The following FBXO48 variants were observed in gnomAD, a reference collection of about 807,000 sequenced individuals.
FBXO48 encodes the protein F-box only protein 48.
Under a neutral mutation model 14.3 loss-of-function variants are expected in FBXO48, and 12 were observed. The ratio of observed to expected loss-of-function variants is 0.84; its 90% CI spans 0.54 to 1.36. The LOEUF is 1.36. Ranked by LOEUF, FBXO48 falls within the 40% of genes most tolerant of loss-of-function variation. The pLI, the probability that FBXO48 is intolerant of heterozygous loss-of-function variation, is 0.00. For missense variants in FBXO48, 177 were observed against 179.1 expected (o/e 0.99, Z 0.07); for synonymous variants, 53 against 61.7 (o/e 0.86, Z 0.66).
Position 68,464,231 on chromosome 2 carries a change from A to C in FBXO48, c.446T>G (p.Leu149Arg). ...PMDADTWGEI[L>R]EAELER ...CCCTTATCTTTCCAGTTCTGCTTCT[A>C]GAATTTCCCCCCATGTATCTGCATC... Residue 149 changes from leucine (L) to arginine (R), a missense_variant, in exon 4 of 4, where the codon CTA (leucine) becomes CGA (arginine). Leu to Arg is a moderately radical substitution (Grantham distance 102, BLOSUM62 -2). Coordinates refer to ENST00000377957, the MANE Select transcript of FBXO48 (RefSeq NM_001024680.3). 1 of 1,613,860 alleles carries C rather than the reference A, an allele frequency of 6.2e-7. No individual in the cohort carries two copies. The highest frequency in any genetic ancestry group is 8.5e-7 in the Non-Finnish European group (1 of 1,179,932).
At position 68,462,092 on chromosome 2, in the gene FBXO48, A is replaced by C. The variant is rs983990655; in HGVS notation, c.*2117T>G. On this transcript the variant is annotated 3_prime_UTR_variant, in exon 4 of 4. Coordinates refer to ENST00000377957, the MANE Select transcript of FBXO48 (RefSeq NM_001024680.3). ...CTGCCCCCCACCCCGGCCAAAAAAAACCACACACTTGGTTGGAAGTGAGAA... is the reference window on the plus strand; with the variant it reads ...CTGCCCCCCACCCCGGCCAAAAAAACCCACACACTTGGTTGGAAGTGAGAA... 2 of 152,252 alleles carry C rather than the reference A, an allele frequency of 1.3e-5. No homozygotes were observed. The highest frequency in any genetic ancestry group is 2.9e-5 in the Non-Finnish European group (2 of 68,188). The allele number at this position is 152,252 out of a possible 1,614,324, so 9.4% of individuals were successfully genotyped here. A position where few individuals can be genotyped will look rare whatever the true frequency, so the allele number is the denominator to read the frequency against.
Position 68,466,361 on chromosome 2 carries a change from A to C in FBXO48, c.-251T>G, listed in dbSNP as rs1393875226. On this transcript the variant is annotated 5_prime_UTR_variant, in exon 2 of 4. Transcript: ENST00000377957. ...AGCTGAACACAAATCTCTTTTCTAGACGAGCTACTCAGCTATGTTTTCGGA... is the reference window on the plus strand; with the variant it reads ...AGCTGAACACAAATCTCTTTTCTAGCCGAGCTACTCAGCTATGTTTTCGGA... The C allele has an allele frequency of 6.6e-6, 1 of 152,200 alleles. No homozygotes were observed. The highest frequency in any genetic ancestry group is 1.5e-5 in the Non-Finnish European group (1 of 68,058). 9.4% of individuals were successfully genotyped at this position (152,200 alleles called of 1,614,324 possible).
rs1553365826 is a variant in FBXO48 at position 68,461,289 on chromosome 2, T to TTTTTTTC, written c.*2919_*2920insGAAAAAA. ...TACTTAAGATCCGTTTTCGTTTTCT[T>TTTTTTTC]TTTTTTTTTTTTTTTTTTGAGACGG... On this transcript the variant is annotated 3_prime_UTR_variant, in exon 4 of 4. Transcript: ENST00000377957. The TTTTTTTC allele has an allele frequency of 3.7e-5, 5 of 136,070 alleles. No individual in the cohort carries two copies. The highest frequency in any genetic ancestry group is 6.2e-5 in the Non-Finnish European group (4 of 64,968). The allele number at this position is 136,070 out of a possible 1,614,324, so 8.4% of individuals were successfully genotyped here. A position where few individuals can be genotyped will look rare whatever the true frequency, so the allele number is the denominator to read the frequency against.
At position 68,464,204 on chromosome 2, in the gene FBXO48, T is replaced by G; in HGVS notation, c.*5A>C. The G allele has an allele frequency of 6.2e-7, 1 of 1,611,568 alleles. No homozygotes were observed. Among genetic ancestry groups the G allele is most frequent in the Non-Finnish European group, 8.5e-7 (1 of 1,178,374 alleles). ...AAGACCTGAGATTTGTGATTTTTTT[T>G]CCCCTTATCTTTCCAGTTCTGCTTC... On this transcript the variant is annotated 3_prime_UTR_variant, in exon 4 of 4. Transcript: ENST00000377957.
Position 68,462,041 on chromosome 2 carries a change from C to CAAAACAAA in FBXO48, c.*2160_*2167dup, listed in dbSNP as rs1675276673. ...CAGAGTGAGACTTCATCTCAAAAAA[C>CAAAACAAA]AAAACAAAAAAACAAAAACAAAAAA... On this transcript the variant is annotated 3_prime_UTR_variant, in exon 4 of 4. Coordinates refer to ENST00000377957, the MANE Select transcript of FBXO48 (RefSeq NM_001024680.3). 1 of 151,572 alleles carries CAAAACAAA rather than the reference C, an allele frequency of 6.6e-6. No homozygotes were observed. Among genetic ancestry groups the CAAAACAAA allele is most frequent in the South Asian group, 2.1e-4 (1 of 4,726 alleles). The allele number at this position is 151,572 out of a possible 1,614,324, so 9.4% of individuals were successfully genotyped here.
rs1558519479 is a variant in FBXO48, at chr2:68,461,281, C to CTTTGTGTGGCAGGGAACA, written c.*2927_*2928insTGTTCCCTGCCACACAAA. ...CATTCTCTTACTTAAGATCCGTTTT[C>CTTTGTGTGGCAGGGAACA]GTTTTCTTTTTTTTTTTTTTTTTTT... On this transcript the variant is annotated 3_prime_UTR_variant, in exon 4 of 4. Transcript: ENST00000377957. 4.4e-5 allele frequency: 6 copies of CTTTGTGTGGCAGGGAACA among 137,814 alleles called. No homozygotes were observed. The highest frequency in any genetic ancestry group is 1.6e-4 in the African/African-American group (5 of 31,968). 8.5% of individuals were successfully genotyped at this position (137,814 alleles called of 1,614,324 possible).
chr2:68,464,911 G>T lies in FBXO48; in HGVS notation c.235C>A (p.His79Asn). ...CACACAGCTCTTACAGTCATGCAGT[G>T]AGGTTTCCATAAAGAGTCACTGTTT... ...IRNSDSLWKP[H>N]CMTVRAVCRR... is the part of the protein sequence containing the mutation. The change falls in exon 3 of 4, where the codon CAC becomes AAC. Residue 79 changes from histidine to asparagine, a missense_variant. By Grantham distance (68) the His-to-Asn change is moderately conservative (BLOSUM62 1). Transcript: ENST00000377957. 6.2e-7 allele frequency: 1 copy of T among 1,613,894 alleles called. No homozygotes were observed.
Position 68,465,111 on chromosome 2 carries a change from C to G in FBXO48, c.35G>C (p.Arg12Thr). 1 of 1,610,966 alleles carries G rather than the reference C, an allele frequency of 6.2e-7. No homozygotes were observed. The highest frequency in any genetic ancestry group is 1.3e-5 in the African/African-American group (1 of 74,826). The change falls in exon 3 of 4, where the codon AGA (arginine) becomes ACA (threonine). Residue 12 changes from arginine (R) to threonine (T), a missense_variant. Physicochemically the swap from Arg to Thr is moderately conservative, Grantham distance 71 (BLOSUM62 -1). Transcript: ENST00000377957. ...AGAGTTCGCTTCTGTGTGAGAAACT[C>G]TTAAATTATTGTTTCTCTTGGAGTT... ...HKNSKRNNNL[R>T]VSHTEANSVD...
In FBXO48 at chr2:68,461,287, C is replaced by CTTTTTTTTTTT. The variant is rs924636377; in HGVS notation, c.*2911_*2921dup. 2.2e-4 allele frequency: 26 copies of CTTTTTTTTTTT among 119,638 alleles called. No individual in the cohort carries two copies. Among genetic ancestry groups the CTTTTTTTTTTT allele is most frequent in the African/African-American group, 7.5e-4 (20 of 26,642 alleles). The allele number at this position is 119,638 out of a possible 1,614,324, so 7.4% of individuals were successfully genotyped here. ...CTTACTTAAGATCCGTTTTCGTTTT[C>CTTTTTTTTTTT]TTTTTTTTTTTTTTTTTTTTGAGAC... On this transcript the variant is annotated 3_prime_UTR_variant, in exon 4 of 4. Transcript: ENST00000377957.
chr2:68,463,399 A>C lies in FBXO48; in HGVS notation c.*810T>G, dbSNP rs1675316146. ...AGACAAGTGTTAAGGATTCTTTAGA[A>C]TAACAGTTTTCTTTTTAATATGGAG... On this transcript the variant is annotated 3_prime_UTR_variant, in exon 4 of 4. Transcript: ENST00000377957. The C allele has an allele frequency of 6.6e-6, 1 of 152,192 alleles. No homozygotes were observed. Among genetic ancestry groups the C allele is most frequent in the South Asian group, 2.1e-4 (1 of 4,828 alleles). 9.4% of individuals were successfully genotyped at this position (152,192 alleles called of 1,614,324 possible).
Position 68,464,271 on chromosome 2 carries a change from T to C in FBXO48, c.406A>G (p.Ile136Val). The C allele has an allele frequency of 1.2e-6, 2 of 1,613,890 alleles. No homozygotes were observed. The highest frequency in any genetic ancestry group is 1.7e-6 in the Non-Finnish European group (2 of 1,179,934). ...GTATCTGCATCCATTGGGTACATGA[T>C]TTTTTCTGGTAGGCTAATGGGAGAA... ...ICSPISLPEK[I>V]MYPMDADTWG... Residue 136 changes from isoleucine (I) to valine (V), a missense_variant, in exon 4 of 4, where the codon ATC becomes GTC. Coordinates refer to ENST00000377957, the MANE Select transcript of FBXO48 (RefSeq NM_001024680.3).
In FBXO48 at chr2:68,462,793, T is replaced by C. The variant is rs1222831974; in HGVS notation, c.*1416A>G. 1 of 152,248 alleles carries C rather than the reference T, an allele frequency of 6.6e-6. No homozygotes were observed. The highest frequency in any genetic ancestry group is 2.4e-5 in the African/African-American group (1 of 41,460). 9.4% of individuals were successfully genotyped at this position (152,248 alleles called of 1,614,324 possible). A position where few individuals can be genotyped will look rare whatever the true frequency, so the allele number is the denominator to read the frequency against. ...TCAGTCTTCAAATATCTGGCAATCA[T>C]AGACAGGAAGGACTGAATCAGCCTG... On this transcript the variant is annotated 3_prime_UTR_variant, in exon 4 of 4. Transcript: ENST00000377957.
At chr2:68,464,470 A>C (rs1410007140) in intron 3 of FBXO48, 100 bp from the exon 4 acceptor site, 11 of 1,006,646 alleles carry the variant, frequency 1.1e-5, no homozygotes, top group Non-Finnish European at 1.5e-5. Context: ...TGAAAAAAAG[A>C]GTATTTACAT....
intron 2 of FBXO48, among the ~76,000 whole-genome samples, chr2:68,465,522 TAAA>T (rs973083256): frequency 9.0e-6 from 1 of 111,512 alleles, no homozygotes; most frequent in African/African-American, 3.3e-5. Context: ...CGCCCCTCTT[TAAA>T]AAAAAAAAAA....
At chr2:68,466,954 G>A (rs1675434246) in intron 1 of FBXO48, among the ~76,000 whole-genome samples, 1 of 152,156 alleles carries the variant, frequency 6.6e-6, no homozygotes, top group Non-Finnish European at 1.5e-5. Context: ...CGGAGGGGCG[G>A]GGAGCCCCAC....
rs1432385189 is a variant in FBXO48 at position 68,467,195 on chromosome 2, A to C, written c.-361+16T>G. 2 of 152,270 alleles carry C rather than the reference A, an allele frequency of 1.3e-5. No individual in the cohort carries two copies. Among genetic ancestry groups the C allele is most frequent in the African/African-American group, 4.8e-5 (2 of 41,470 alleles). The allele number at this position is 152,270 out of a possible 1,614,324, so 9.4% of individuals were successfully genotyped here. A position where few individuals can be genotyped will look rare whatever the true frequency, so the allele number is the denominator to read the frequency against. ...AGACACCTAAGCCAACGGGAACGGA[A>C]GACCCTTCTACCTACTAGGCCGCGG... On this transcript the variant is annotated intron_variant, in intron 1 of 3. Transcript: ENST00000377957.
chr2:68,460,462 G>C lies in FBXO48; in HGVS notation c.*3747C>G, dbSNP rs1192531813. On this transcript the variant is annotated 3_prime_UTR_variant, in exon 4 of 4. Coordinates refer to ENST00000377957, the MANE Select transcript of FBXO48 (RefSeq NM_001024680.3). Reference sequence around the variant, plus strand: ...TTCACTGAGATAGGAACTGGAGGAAGAACTACTTTTATGAGATGGTAAGTT... The same window carrying C: ...TTCACTGAGATAGGAACTGGAGGAACAACTACTTTTATGAGATGGTAAGTT... 6.6e-6 allele frequency: 1 copy of C among 151,784 alleles called. No individual in the cohort carries two copies. The highest frequency in any genetic ancestry group is 6.6e-5 in the Admixed American group (1 of 15,220). The allele number at this position is 151,784 out of a possible 1,614,324, so 9.4% of individuals were successfully genotyped here.
intron 2 of FBXO48, among the ~76,000 whole-genome samples, 186 bp from the exon 3 acceptor site, chr2:68,465,364 T>C (rs1233375996): frequency 6.6e-6 from 1 of 151,938 alleles, no homozygotes; most frequent in Non-Finnish European, 1.5e-5. Flanking sequence ...GTGGGTAAAA[T>C]ATCTAGTCTT....
At chr2:68,465,305 G>A in intron 2 of FBXO48, 127 bp from the exon 3 acceptor site, 1 of 603,354 alleles carries the variant, frequency 1.7e-6, no homozygotes, top group South Asian at 2.1e-5. Context: ...TGTAAAATGG[G>A]CCAATGCTGC....
Sources: allele counts gnomAD v4.1 joint callset (sites outside exome capture counted in the v4.1 genomes callset), GRCh38; gene constraint gnomAD v4.1.1; transcripts MANE v1.5; gene names NCBI Gene and HGNC (gene_info 2026-07-23, HGNC 2026-07-21).